The following SLC39A11 variants were observed in gnomAD, a reference collection of about 807,000 sequenced individuals.
SLC39A11 encodes zinc transporter ZIP11.
Under a neutral mutation model 36.1 loss-of-function variants are expected in SLC39A11, and 33 were observed. The ratio of observed to expected loss-of-function variants is 0.91; its 90% confidence interval spans 0.69 to 1.22. The LOEUF is 1.22. Ranked by LOEUF, SLC39A11 falls within the 50% of genes most tolerant of loss-of-function variation. SLC39A11 has a pLI of 0.00. For synonymous variants in SLC39A11, 166 were observed against 170.3 expected, an observed-to-expected ratio of 0.97 and a Z score of 0.20; for missense variants, 432 against 430.3, an observed-to-expected ratio of 1.00 and a Z score of -0.03.
At chr17:73,058,716 C>CT (rs1393704791) in intron 3 of SLC39A11, among the ~76,000 whole-genome samples, 2 of 152,108 alleles carry the variant, frequency 1.3e-5, no homozygotes, top group Non-Finnish European at 2.9e-5. Context: ...GAGCGAAACT[C>CT]TGTCTCAAAA....
intron 5 of SLC39A11, among the ~76,000 whole-genome samples, chr17:72,871,621 G>A (rs2080633215): frequency 6.6e-6 from 1 of 152,168 alleles, no homozygotes; most frequent in African/African-American, 2.4e-5. Context: ...GGGGTTCAGA[G>A]AGTTTCCTGG....
intron 7 of SLC39A11, among the ~76,000 whole-genome samples, chr17:72,721,636 T>C (rs1217839144): frequency 6.6e-6 from 1 of 151,894 alleles, no homozygotes; most frequent in East Asian, 1.9e-4. Context: ...AGAAAGGCCC[T>C]TGTCATGATG....
intron 5 of SLC39A11, among the ~76,000 whole-genome samples, chr17:72,947,274 A>T (rs777140772): frequency 1.3e-5 from 2 of 151,762 alleles, no homozygotes; most frequent in Non-Finnish European, 2.9e-5. Flanking sequence ...AGATGGCGCC[A>T]CTGCACTCCA....
chr17:72,825,283 G>A (rs2077970878), intron 6 of SLC39A11, among the ~76,000 whole-genome samples: 1 of 152,242 alleles, frequency 6.6e-6, no homozygotes. Flanking sequence ...TCCAGAGGGT[G>A]CAAGCCATAA....
rs192626262 is a variant in SLC39A11, at chr17:72,970,660, G to A, written c.307-22785C>T. The stretch of plus-strand genomic sequence containing the variant: ...TGCACCGGGAATTGCCCAGAAGACT[G>A]TCATTTTATGCTTATTTAAAAAGTG... On this transcript the variant is annotated intron_variant, in intron 4 of 9. Transcript: ENST00000255559. Among the ~76,000 whole-genome samples the A allele has an allele frequency of 4.4e-3, 666 of 152,316 alleles. 10 individuals carry two copies. The highest frequency in any genetic ancestry group is 0.043 in the South Asian group (209 of 4,822).
chr17:72,973,445 G>A (rs911544065), intron 4 of SLC39A11, among the ~76,000 whole-genome samples: 1 of 152,120 alleles, frequency 6.6e-6, no homozygotes, highest in African/African-American at 2.4e-5. Context: ...GACTTTTGCT[G>A]ACCTCACATG....
intron 4 of SLC39A11, among the ~76,000 whole-genome samples, chr17:73,024,759 G>A (rs1398295778): frequency 2.6e-5 from 4 of 151,670 alleles, no homozygotes; most frequent in East Asian, 1.9e-4. Flanking sequence ...GTGCAGCAGC[G>A]TGATCCCGGC....
chr17:73,053,779 C>T (rs569158828), intron 3 of SLC39A11, among the ~76,000 whole-genome samples: 7 of 152,302 alleles, frequency 4.6e-5, no homozygotes, highest in Admixed American at 2.6e-4. Context: ...GCTCACCCCA[C>T]GCAGCTGATG....
At chr17:72,722,121 T>C (rs865914002) in intron 7 of SLC39A11, among the ~76,000 whole-genome samples, 24 of 151,920 alleles carry the variant, frequency 1.6e-4, no homozygotes, top group African/African-American at 5.6e-4. Context: ...TATCTTCCAG[T>C]ATCAATTTCT....
chr17:72,671,121 C>A (rs1291732319), intron 7 of SLC39A11, among the ~76,000 whole-genome samples: 1 of 152,084 alleles, frequency 6.6e-6, no homozygotes, highest in East Asian at 1.9e-4. Flanking sequence ...ACAAGAGATC[C>A]CCTCTTTAGG....
At chr17:72,660,157 T>C (rs922009850) in intron 7 of SLC39A11, among the ~76,000 whole-genome samples, 1 of 152,148 alleles carries the variant, frequency 6.6e-6, no homozygotes, top group African/African-American at 2.4e-5. Context: ...TTCCAGCTCG[T>C]GTCAGCAGCA....
chr17:72,886,932 T>C (rs1005360086), intron 5 of SLC39A11, among the ~76,000 whole-genome samples: 2 of 152,184 alleles, frequency 1.3e-5, no homozygotes, highest in Admixed American at 6.5e-5. Flanking sequence ...TTCACATCTT[T>C]CAGGTCTTTT....
At chr17:72,992,052 G>A (rs1203222440) in intron 4 of SLC39A11, among the ~76,000 whole-genome samples, 2 of 152,088 alleles carry the variant, frequency 1.3e-5, no homozygotes, top group African/African-American at 4.8e-5. Context: ...TACAAAAGGT[G>A]AGAATTTAAA....
intron 5 of SLC39A11, among the ~76,000 whole-genome samples, chr17:72,861,516 G>A (rs937881080): frequency 5.3e-5 from 8 of 151,388 alleles, no homozygotes; most frequent in African/African-American, 1.7e-4. Flanking sequence ...AAAGTAGGTC[G>A]CTAGCATCCT....
At chr17:72,961,348 A>G (rs2086595116) in intron 4 of SLC39A11, among the ~76,000 whole-genome samples, 1 of 148,334 alleles carries the variant, frequency 6.7e-6, no homozygotes, top group South Asian at 2.1e-4. Context: ...TCAAGGATCT[A>G]GACCAGAAAT....
chr17:72,729,448 TATATATATA>T (rs1397685051), intron 7 of SLC39A11, among the ~76,000 whole-genome samples: 4 of 9,432 alleles, frequency 4.2e-4, no homozygotes, highest in Non-Finnish European at 7.3e-4. Context: ...TATATATATA[TATATATATA>T]TTTTTTTTTT....
intron 5 of SLC39A11, among the ~76,000 whole-genome samples, chr17:72,933,764 C>T (rs1240177652): frequency 6.6e-6 from 1 of 152,192 alleles, no homozygotes. Flanking sequence ...AAACGATCCA[C>T]CCGACTCAGC....
intron 4 of SLC39A11, among the ~76,000 whole-genome samples, chr17:72,983,330 G>T (rs564544586): frequency 1.3e-5 from 2 of 152,198 alleles, no homozygotes; most frequent in South Asian, 4.1e-4. Context: ...TGTATTTTTA[G>T]TAGAGACGAG....
intron 5 of SLC39A11, among the ~76,000 whole-genome samples, chr17:72,943,981 A>C (rs1598515342): frequency 6.6e-6 from 1 of 152,198 alleles, no homozygotes; most frequent in Non-Finnish European, 1.5e-5. Flanking sequence ...AGCAGACACC[A>C]CATGGCAGGA....
Sources: allele counts gnomAD v4.1 joint callset (sites outside exome capture counted in the v4.1 genomes callset), GRCh38; gene constraint gnomAD v4.1.1; transcripts MANE v1.5; gene names NCBI Gene and HGNC (gene_info 2026-07-23, HGNC 2026-07-21).